Variants in CNTN4 observed in about 807,000 individuals in gnomAD.
The protein encoded by CNTN4 is contactin 4.
A neutral mutation model predicts 122.5 loss-of-function variants in CNTN4; 77 were observed. That is an observed-to-expected ratio of 0.63 (90% CI 0.52 to 0.76). The LOEUF is 0.76. Among genes scored for constraint, CNTN4 ranks in the 30% least tolerant of loss-of-function variants. The pLI is 0.00. For missense variants in CNTN4, 1,256 were observed against 1,259.1 expected (o/e 1.00, Z 0.04); for synonymous variants, 512 against 447.0 (o/e 1.15, Z -1.83).
chr3:2,536,060 G>C (rs1339714533), intron 3 of CNTN4, among the ~76,000 whole-genome samples: 1 of 152,134 alleles, frequency 6.6e-6, no homozygotes, highest in Non-Finnish European at 1.5e-5. Context: ...CGGAAGATCT[G>C]ATTGCCACCA....
intron 4 of CNTN4, among the ~76,000 whole-genome samples, chr3:2,609,081 C>A (rs1456399668): frequency 6.6e-6 from 1 of 152,200 alleles, no homozygotes; most frequent in Non-Finnish European, 1.5e-5. Flanking sequence ...TTCTACGAGG[C>A]TTTCTTAGAG....
intron 2 of CNTN4, among the ~76,000 whole-genome samples, chr3:2,241,292 A>G (rs1030246964): frequency 1.3e-5 from 2 of 152,208 alleles, no homozygotes; most frequent in Non-Finnish European, 2.9e-5. Context: ...TTTATTGCTT[A>G]CATTTTATTG....
intron 6 of CNTN4, 87 bp from the exon 7 acceptor site, chr3:2,819,399 A>G (rs2092812881): frequency 5.7e-6 from 6 of 1,055,932 alleles, no homozygotes; most frequent in Non-Finnish European, 7.3e-6. Flanking sequence ...TTTGAGCAGA[A>G]TGATTCTCTT....
At chr3:2,839,865 C>A (rs2093315580) in intron 7 of CNTN4, among the ~76,000 whole-genome samples, 1 of 152,182 alleles carries the variant, frequency 6.6e-6, no homozygotes, top group Non-Finnish European at 1.5e-5. Flanking sequence ...CAATGGGAAT[C>A]CCTGGAACAG....
intron 4 of CNTN4, among the ~76,000 whole-genome samples, chr3:2,613,657 G>A (rs1370917810): frequency 1.3e-5 from 2 of 151,982 alleles, no homozygotes; most frequent in Non-Finnish European, 2.9e-5. Flanking sequence ...TATGATCAGA[G>A]TTACACTATA....
At chr3:2,410,531 T>C (rs2047191452) in intron 3 of CNTN4, among the ~76,000 whole-genome samples, 1 of 152,218 alleles carries the variant, frequency 6.6e-6, no homozygotes, top group South Asian at 2.1e-4. Context: ...CAGAGGATAT[T>C]TGAAGATAAC....
chr3:2,498,975 A>C lies in CNTN4; in HGVS notation c.-88-72441A>C, dbSNP rs910850829. On this transcript the variant is annotated intron_variant, in intron 3 of 24. Transcript: ENST00000418658. ...AGGCTAATTTTTGTATTTTTAGTAG[A>C]GATAGGGTTTCAACATGTTGGCCAG... is the stretch of plus-strand genomic sequence containing the variant. Among the ~76,000 whole-genome samples, 4 of 152,000 alleles carry C rather than the reference A, an allele frequency of 2.6e-5. No individual in the cohort carries two copies. In the East Asian group the frequency reaches 7.7e-4, roughly 29 times the overall value.
At chr3:2,246,620 G>A (rs2040162756) in intron 2 of CNTN4, among the ~76,000 whole-genome samples, 2 of 151,872 alleles carry the variant, frequency 1.3e-5, no homozygotes, top group South Asian at 4.1e-4. Context: ...AATGCAATGT[G>A]TATATACTAT....
At chr3:2,246,915 T>C (rs140644982) in intron 2 of CNTN4, among the ~76,000 whole-genome samples, 57 of 152,022 alleles carry the variant, frequency 3.7e-4, no homozygotes, top group African/African-American at 1.4e-3. Context: ...TTGGTGGAGA[T>C]GTTCACTGCA....
intron 3 of CNTN4, among the ~76,000 whole-genome samples, chr3:2,535,208 T>G (rs1213630350): frequency 6.6e-6 from 1 of 152,152 alleles, no homozygotes; most frequent in Admixed American, 6.6e-5. Context: ...AGAGCAAGTT[T>G]ATTGGTAGTC....
At chr3:2,913,963 G>T (rs59670628) in intron 12 of CNTN4, among the ~76,000 whole-genome samples, 63,914 of 151,890 alleles carry the variant, frequency 0.42, 13,773 homozygotes, top group East Asian at 0.65. Flanking sequence ...ATATCCTCTC[G>T]GACTATGACG....
chr3:2,992,464 G>A (rs1273919729), intron 14 of CNTN4, among the ~76,000 whole-genome samples: 1 of 152,110 alleles, frequency 6.6e-6, no homozygotes, highest in Non-Finnish European at 1.5e-5. Context: ...TCTACAGAGG[G>A]CAGGGTACAT....
intron 14 of CNTN4, among the ~76,000 whole-genome samples, chr3:2,995,177 G>A (rs1267139019): frequency 4.6e-5 from 7 of 151,990 alleles, no homozygotes; most frequent in Admixed American, 4.6e-4. Flanking sequence ...CCTGGAGTTG[G>A]TACCAGCTAT....
chr3:2,914,252 A>G (rs79724919), intron 12 of CNTN4, among the ~76,000 whole-genome samples: 1 of 152,328 alleles, frequency 6.6e-6, no homozygotes, highest in Non-Finnish European at 1.5e-5. Flanking sequence ...GGCAACTAGA[A>G]AAAGATTTTA....
intron 2 of CNTN4, among the ~76,000 whole-genome samples, chr3:2,120,070 G>A (rs2033620421): frequency 6.6e-6 from 1 of 151,946 alleles, no homozygotes; most frequent in South Asian, 2.1e-4. Context: ...AAGACAGCAT[G>A]TAAGGGGCAG....
intron 2 of CNTN4, among the ~76,000 whole-genome samples, chr3:2,243,894 A>G (rs1008545299): frequency 4.1e-4 from 62 of 152,188 alleles, no homozygotes; most frequent in Middle Eastern, 3.4e-3. Flanking sequence ...CCACAGGAAA[A>G]TATTGGAGAC....
At chr3:2,985,362 A>G (rs796251859) in intron 13 of CNTN4, 7 of 152,266 alleles carry the variant, frequency 4.6e-5, no homozygotes, top group African/African-American at 1.7e-4. Context: ...TTCTTTCTTT[A>G]TTGGCAGGAG....
At chr3:2,981,398 C>T (rs534858820) in intron 13 of CNTN4, among the ~76,000 whole-genome samples, 4 of 151,628 alleles carry the variant, frequency 2.6e-5, no homozygotes, top group East Asian at 1.9e-4. Context: ...GAGCCGAGAT[C>T]GCAGCACTGC....
chr3:2,550,287 T>C (rs2078437647), intron 3 of CNTN4, among the ~76,000 whole-genome samples: 1 of 151,970 alleles, frequency 6.6e-6, no homozygotes, highest in Non-Finnish European at 1.5e-5. Flanking sequence ...TTAATTTTGA[T>C]ATTAGGTGAA....
Sources: gnomAD v4.1 joint callset for allele counts (sites outside exome capture counted in the v4.1 genomes callset) on GRCh38, gnomAD v4.1.1 for gene constraint, MANE v1.5 for transcripts, NCBI Gene and HGNC (gene_info 2026-07-23, HGNC 2026-07-21) for gene names.